The following DACH2 variants were observed in gnomAD, a reference collection of about 807,000 sequenced individuals.
DACH2 encodes the protein dachshund homolog 2.
In DACH2, 17 loss-of-function variants were observed where a neutral mutation model predicts 35.8. The observed-to-expected ratio is 0.48, with a 90% confidence interval of 0.33 to 0.71. The LOEUF (loss-of-function observed/expected upper bound fraction) is 0.71. Among genes scored for constraint, DACH2 ranks in the 30% least tolerant of loss-of-function variants. DACH2 has a pLI of 0.02. For synonymous variants in DACH2, 195 were observed against 177.3 expected, an observed-to-expected ratio of 1.10 and a Z score of -0.79; for missense variants, 469 against 472.7, an observed-to-expected ratio of 0.99 and a Z score of 0.07.
intron 7 of DACH2, among the ~76,000 whole-genome samples, chrX:86,764,078 A>T (rs2041909338): frequency 8.9e-6 from 1 of 111,914 alleles, no homozygotes; most frequent in Admixed American, 9.5e-5. Context: ...ATTACAGCTT[A>T]AAAATGAATT....
chrX:86,753,938 TA>T (rs202047286), intron 7 of DACH2, among the ~76,000 whole-genome samples: 9,506 of 94,044 alleles, frequency 0.1, 375 homozygotes, highest in East Asian at 0.14. Context: ...GAGCTCACAA[TA>T]AAAAAAAAAA....
intron 1 of DACH2, among the ~76,000 whole-genome samples, chrX:86,291,301 T>C (rs1210723253): frequency 2.1e-5 from 2 of 97,553 alleles, no homozygotes; most frequent in East Asian, 6.6e-4. Context: ...CTGAAGTTGC[T>C]TATCAGCTTA....
rs114225580 is a variant in DACH2, at chrX:86,333,042, A to T, written c.489-43782A>T. Reference sequence around the variant, plus strand: ...ATAATATATTAACTCTTCTGCAAGGAAAATAAAACAACAGTATAGAGACAG... The same window carrying T: ...ATAATATATTAACTCTTCTGCAAGGTAAATAAAACAACAGTATAGAGACAG... On this transcript the variant is annotated intron_variant, in intron 1 of 11. Transcript: ENST00000373125. Among the ~76,000 whole-genome samples, 1,090 of 111,933 alleles carry T rather than the reference A, an allele frequency of 9.7e-3. 13 individuals carry two copies. The highest frequency in any genetic ancestry group is 0.034 in the African/African-American group (1,040 of 30,930).
chrX:86,240,601 G>A (rs921568767), intron 1 of DACH2, among the ~76,000 whole-genome samples: 8 of 109,266 alleles, frequency 7.3e-5, no homozygotes, highest in African/African-American at 2.7e-4. Context: ...CCTAGTAGCT[G>A]GGACTATAAG....
intron 3 of DACH2, among the ~76,000 whole-genome samples, chrX:86,554,941 G>T (rs1279898742): frequency 9.0e-6 from 1 of 111,320 alleles, no homozygotes; most frequent in Non-Finnish European, 1.9e-5. Context: ...CTACATTTTG[G>T]AATAAGAAAA....
chrX:86,761,860 A>C (rs1415607591), intron 7 of DACH2, among the ~76,000 whole-genome samples: 1 of 93,913 alleles, frequency 1.1e-5, no homozygotes, highest in Non-Finnish European at 2.1e-5. Flanking sequence ...CACTGGCACC[A>C]TGATAGTGGG....
At chrX:86,405,597 T>G (rs2036514987) in intron 2 of DACH2, among the ~76,000 whole-genome samples, 1 of 111,313 alleles carries the variant, frequency 9.0e-6, no homozygotes, top group African/African-American at 3.3e-5. Flanking sequence ...AGCTCTCCAA[T>G]TCTCTAGGAA....
At chrX:86,805,128 CT>C (rs2042331419) in intron 7 of DACH2, among the ~76,000 whole-genome samples, 1 of 112,827 alleles carries the variant, frequency 8.9e-6, no homozygotes, top group Non-Finnish European at 1.9e-5. Flanking sequence ...GGCTCCACCC[CT>C]GCCACAGGCT....
chrX:86,547,339 A>G (rs1318858091), intron 3 of DACH2, among the ~76,000 whole-genome samples: 1 of 111,953 alleles, frequency 8.9e-6, no homozygotes, highest in Non-Finnish European at 1.9e-5. Context: ...ACTATTATGT[A>G]TCTCTAACAG....
chrX:86,324,039 G>C (rs2035065379), intron 1 of DACH2, among the ~76,000 whole-genome samples: 1 of 112,098 alleles, frequency 8.9e-6, no homozygotes, highest in Non-Finnish European at 1.9e-5. Flanking sequence ...AAATGAAGCA[G>C]CTTTATTGTC....
At chrX:86,695,887 CTA>C (rs1291664099) in intron 5 of DACH2, among the ~76,000 whole-genome samples, 1 of 111,058 alleles carries the variant, frequency 9.0e-6, no homozygotes, top group Non-Finnish European at 1.9e-5. Flanking sequence ...ATATCCACAA[CTA>C]TAGACTGTGG....
chrX:86,203,156 G>A (rs2032199733), intron 1 of DACH2, among the ~76,000 whole-genome samples: 1 of 111,140 alleles, frequency 9.0e-6, no homozygotes, highest in Admixed American at 9.6e-5. Flanking sequence ...GAGAAATATA[G>A]ATATTTGAAA....
chrX:86,532,400 G>A (rs2038734791), intron 3 of DACH2, among the ~76,000 whole-genome samples: 1 of 110,952 alleles, frequency 9.0e-6, no homozygotes, highest in Admixed American at 9.6e-5. Flanking sequence ...GGAGATGATT[G>A]GATCATGGGT....
intron 1 of DACH2, among the ~76,000 whole-genome samples, chrX:86,286,363 C>T (rs930631706): frequency 1.1e-4 from 12 of 110,405 alleles, no homozygotes; most frequent in African/African-American, 4.0e-4. Context: ...ATCTCCTGAC[C>T]TCATGATCCA....
intron 4 of DACH2, among the ~76,000 whole-genome samples, chrX:86,678,826 G>A (rs983808212): frequency 8.9e-6 from 1 of 112,258 alleles, no homozygotes; most frequent in African/African-American, 3.2e-5. Flanking sequence ...ATTGCTTTAA[G>A]TAGTGGTATC....
chrX:86,620,372 C>T (rs55968027), intron 3 of DACH2, among the ~76,000 whole-genome samples: 1,295 of 111,506 alleles, frequency 0.012, 9 homozygotes, highest in Non-Finnish European at 0.019. Context: ...GGACTAGAGT[C>T]GGGGAATTGG....
At chrX:86,256,055 C>G (rs1008443471) in intron 1 of DACH2, among the ~76,000 whole-genome samples, 1 of 110,678 alleles carries the variant, frequency 9.0e-6, no homozygotes, top group East Asian at 2.9e-4. Context: ...CAGCTTTAGG[C>G]TCATAAAATG....
chrX:86,356,536 G>A (rs189237348), intron 1 of DACH2, among the ~76,000 whole-genome samples: 5 of 109,163 alleles, frequency 4.6e-5, no homozygotes, highest in Admixed American at 3.9e-4. Context: ...GGTTCCATGC[G>A]AATTTTAGAA....
chrX:86,807,752 C>T (rs1003012349), intron 7 of DACH2, among the ~76,000 whole-genome samples: 14 of 111,425 alleles, frequency 1.3e-4, no homozygotes, highest in African/African-American at 3.6e-4. Flanking sequence ...ATAAATGAGA[C>T]ACCAATTTTT....
Sources: gnomAD v4.1 joint callset for allele counts (sites outside exome capture counted in the v4.1 genomes callset) on GRCh38, gnomAD v4.1.1 for gene constraint, MANE v1.5 for transcripts, NCBI Gene and HGNC (gene_info 2026-07-23, HGNC 2026-07-21) for gene names.